Variants in CAMK2G observed in about 807,000 individuals in gnomAD.
CAMK2G encodes calcium/calmodulin dependent protein kinase II gamma, also known as calcium/calmodulin-dependent protein kinase type II subunit gamma.
CAMK2G carries 23 observed loss-of-function variants against 88.7 expected under a neutral mutation model. The ratio of observed to expected loss-of-function variants is 0.26; its 90% confidence interval spans 0.19 to 0.37. The LOEUF (loss-of-function observed/expected upper bound fraction) is 0.37. Among genes scored for constraint, CAMK2G ranks in the 10% least tolerant of loss-of-function variants. The pLI is 1.00. For missense variants in CAMK2G, 476 were observed against 780.8 expected (o/e 0.61, Z 4.65); for synonymous variants, 263 against 294.8 (o/e 0.89, Z 1.11).
intron 15 of CAMK2G, 123 bp downstream of exon 15, chr10:73,827,966 C>T: frequency 1.2e-6 from 1 of 850,440 alleles, no homozygotes; most frequent in Non-Finnish European, 2.0e-6. Context: ...CACACCTGCC[C>T]ACACAGCACA....
At chr10:73,823,780 T>C (rs1161075269) in intron 17 of CAMK2G, among the ~76,000 whole-genome samples, 1 of 152,234 alleles carries the variant, frequency 6.6e-6, no homozygotes, top group Non-Finnish European at 1.5e-5. Flanking sequence ...GAAGATTCTA[T>C]TATTATCATC....
chr10:73,873,890 G>T (rs1311432735), intron 1 of CAMK2G, among the ~76,000 whole-genome samples: 4 of 130,902 alleles, frequency 3.1e-5, no homozygotes, highest in East Asian at 2.5e-4. Flanking sequence ...GGGGACGGGG[G>T]TGCCGCAGCA....
In CAMK2G at chr10:73,842,681, G is replaced by A. The variant is rs1191644680; in HGVS notation, c.820-140C>T. The A allele has an allele frequency of 6.3e-6, 4 of 634,114 alleles. No individual in the cohort carries two copies. Among genetic ancestry groups the A allele is most frequent in the Non-Finnish European group, 1.1e-5 (4 of 355,990 alleles). 39.3% of individuals were successfully genotyped at this position (634,114 alleles called of 1,614,324 possible). Reference sequence around the variant, plus strand: ...GCTCTGAAGATGAAATGAGGTCACAGATGTGAAAACGCTTTTAGAATAAAA... The same window carrying A: ...GCTCTGAAGATGAAATGAGGTCACAAATGTGAAAACGCTTTTAGAATAAAA... On this transcript the variant is annotated intron_variant, in intron 10 of 22. Transcript: ENST00000423381. This position sits in a 1 kb window ranked among gnomAD's most constrained non-coding sequence, Gnocchi z 4.6.
rs1348489437 is a variant in CAMK2G, at chr10:73,839,491, G to A, written c.1009+48C>T. 2 of 1,117,080 alleles carry A rather than the reference G, an allele frequency of 1.8e-6. No individual in the cohort carries two copies. Among genetic ancestry groups the A allele is most frequent in the Non-Finnish European group, 1.1e-6 (1 of 881,730 alleles). The allele number at this position is 1,117,080 out of a possible 1,614,324, so 69.2% of individuals were successfully genotyped here. A position where few individuals can be genotyped will look rare whatever the true frequency, so the allele number is the denominator to read the frequency against. On this transcript the variant is annotated intron_variant, in intron 13 of 22. Transcript: ENST00000423381. This position sits in a 1 kb window ranked among gnomAD's most constrained non-coding sequence, Gnocchi z 4.2. ...CCGGCATGCTGGCCCTCCTGGTGGG[G>A]TGGCAGGGGGCCGAGGCAGGCGGTC...
intron 15 of CAMK2G, 121 bp downstream of exon 15, chr10:73,827,968 C>A: frequency 1.2e-6 from 1 of 864,018 alleles, no homozygotes; most frequent in Non-Finnish European, 2.0e-6. Context: ...CACCTGCCCA[C>A]ACAGCACAGA....
intron 14 of CAMK2G, among the ~76,000 whole-genome samples, chr10:73,829,700 G>GGGGTGT (rs1265867895): frequency 2.5e-4 from 35 of 138,440 alleles, no homozygotes; most frequent in South Asian, 2.4e-4. Flanking sequence ...TAAGTAGTGG[G>GGGGTGT]GTGTGTGTGT....
intron 17 of CAMK2G, among the ~76,000 whole-genome samples, chr10:73,823,430 G>A (rs1054793649): frequency 1.1e-4 from 16 of 152,144 alleles, no homozygotes; most frequent in South Asian, 4.1e-4. Flanking sequence ...TGCCCAAGGT[G>A]GTCTCTAACT....
At chr10:73,865,838 C>T (rs1303331141) in intron 2 of CAMK2G, among the ~76,000 whole-genome samples, 4 of 152,126 alleles carry the variant, frequency 2.6e-5, no homozygotes, top group Non-Finnish European at 5.9e-5. Context: ...CCTCCACGCA[C>T]CTTTCTACCA....
intron 2 of CAMK2G, among the ~76,000 whole-genome samples, chr10:73,870,116 A>G (rs895558935): frequency 2.0e-5 from 3 of 152,250 alleles, no homozygotes; most frequent in Non-Finnish European, 4.4e-5. Context: ...AAATAAAAAA[A>G]GACATAAGGG....
At chr10:73,858,031 G>C (rs2095167595) in intron 3 of CAMK2G, among the ~76,000 whole-genome samples, 1 of 152,156 alleles carries the variant, frequency 6.6e-6, no homozygotes, top group Non-Finnish European at 1.5e-5. Context: ...TAGAGTGGTG[G>C]ATTTGTTACC....
chr10:73,864,819 A>G (rs1484836879), intron 2 of CAMK2G, among the ~76,000 whole-genome samples: 1 of 151,394 alleles, frequency 6.6e-6, no homozygotes, highest in Non-Finnish European at 1.5e-5. Context: ...ATTTTTTTGT[A>G]TTTTTCAGTA....
Position 73,872,998 on chromosome 10 carries a change from A to G in CAMK2G, c.151T>C (p.Ser51Pro). Reference protein sequence around the residue: ...AAKIINTKKLSARDHQKLERE... With the variant: ...AAKIINTKKLPARDHQKLERE... ...GACAGGGAACACTCACCCCGGGCAG[A>G]CAACTTCTTGGTATTGATGATTTTT... is the stretch of plus-strand genomic sequence containing the variant. Residue 51 changes from serine to proline, a missense_variant, in exon 2 of 23, where the codon TCT becomes CCT. Physicochemically the swap from Ser to Pro is moderately conservative, Grantham distance 74 (BLOSUM62 -1). Transcript: ENST00000423381. 1 of 1,609,360 alleles carries G rather than the reference A, an allele frequency of 6.2e-7. No individual in the cohort carries two copies. Among genetic ancestry groups the G allele is most frequent in the Non-Finnish European group, 8.5e-7 (1 of 1,175,596 alleles).
In CAMK2G at chr10:73,815,024, C is replaced by T. The variant is rs765881662; in HGVS notation, c.1758G>A (p.Pro586=). The change falls in exon 22 of 23, where the codon CCG becomes CCA. Residue 586 remains proline, a synonymous_variant. Coordinates refer to ENST00000423381, the MANE Select transcript of CAMK2G (RefSeq NM_001367534.1). The part of the protein sequence containing the change: ...HYHCSGAPAA[P]LQ Reference sequence around the variant, plus strand: ...GCACCTGTGGCTGAGCTCACTGCAGCGGTGCGGCAGGGGCCCCTGAGCAGT... The same window carrying T: ...GCACCTGTGGCTGAGCTCACTGCAGTGGTGCGGCAGGGGCCCCTGAGCAGT... 73 of 1,611,920 alleles carry T rather than the reference C, an allele frequency of 4.5e-5. No individual in the cohort carries two copies. Among genetic ancestry groups the T allele is most frequent in the South Asian group, 8.8e-5 (8 of 90,956 alleles).
chr10:73,872,875 C>A, intron 2 of CAMK2G, 114 bp downstream of exon 2: 1 of 774,558 alleles, frequency 1.3e-6, no homozygotes, highest in Non-Finnish European at 2.3e-6. Flanking sequence ...GTCTGAAATT[C>A]CAACTCCTCT....
rs960070603 is a variant in CAMK2G at position 73,839,687 on chromosome 10, C to A, written c.947-86G>T. The A allele has an allele frequency of 4.5e-6, 4 of 893,398 alleles. No homozygotes were observed. The highest frequency in any genetic ancestry group is 5.9e-6 in the Non-Finnish European group (4 of 678,308). The allele number at this position is 893,398 out of a possible 1,614,324, so 55.3% of individuals were successfully genotyped here. ...GAGCATGCCCCAGCGCGAGGCGCAG[C>A]CCAGGCGGCGTGGCCAAGCCAGCCG... On this transcript the variant is annotated intron_variant, in intron 12 of 22. Transcript: ENST00000423381. This position sits in a 1 kb window ranked among gnomAD's most constrained non-coding sequence, Gnocchi z 4.2.
chr10:73,834,251 G>A (rs34344067), intron 14 of CAMK2G, among the ~76,000 whole-genome samples: 1 of 152,332 alleles, frequency 6.6e-6, no homozygotes, highest in East Asian at 1.9e-4. Flanking sequence ...ATTTGTCACA[G>A]AAACTCTTTC....
rs1327120499 is a variant in CAMK2G, at chr10:73,818,712, C to T, written c.1363+820G>A. On this transcript the variant is annotated intron_variant, in intron 19 of 22. Transcript: ENST00000423381. ...GGTTAAGGGAAGCAAGGAGTTCGAT[C>T]GGCTTCCAAAAGCAGCAGGCAGGTG... is the stretch of plus-strand genomic sequence containing the variant. The T allele has an allele frequency of 1.8e-5, 8 of 455,512 alleles. No individual in the cohort carries two copies. In the East Asian group the frequency reaches 4.2e-4, roughly 24 times the overall value. The allele number at this position is 455,512 out of a possible 1,614,324, so 28.2% of individuals were successfully genotyped here.
chr10:73,847,468 TG>T, intron 9 of CAMK2G, 121 bp from the exon 10 acceptor site: 1 of 1,066,186 alleles, frequency 9.4e-7, no homozygotes, highest in Non-Finnish European at 1.4e-6. Flanking sequence ...AAGCTGTGAC[TG>T]GCAGAGTTGG....
intron 2 of CAMK2G, among the ~76,000 whole-genome samples, chr10:73,870,457 A>G (rs2095787674): frequency 6.6e-6 from 1 of 152,220 alleles, no homozygotes; most frequent in African/African-American, 2.4e-5. Flanking sequence ...AAGACACAAC[A>G]GCCCAAAAGA....
Sources: allele counts gnomAD v4.1 joint callset (sites outside exome capture counted in the v4.1 genomes callset), GRCh38; gene constraint gnomAD v4.1.1; non-coding constraint Gnocchi (gnomAD v3.1); transcripts MANE v1.5; gene names NCBI Gene and HGNC (gene_info 2026-07-23, HGNC 2026-07-21).